The following VPS13C variants were observed in gnomAD, a reference collection of about 807,000 sequenced individuals.
VPS13C encodes the protein vacuolar protein sorting 13 homolog C, also known as intermembrane lipid transfer protein VPS13C.
In VPS13C, 358 loss-of-function variants were observed where a neutral mutation model predicts 456.8. That is an observed-to-expected ratio of 0.78 (90% CI 0.72 to 0.86). The LOEUF is 0.86. VPS13C is among the 40% of genes least tolerant of loss of function. VPS13C has a pLI of 0.00. For synonymous variants in VPS13C, 1,578 were observed against 1,486.7 expected, an observed-to-expected ratio of 1.06 and a Z score of -1.41; for missense variants, 4,818 against 4,385.4, an observed-to-expected ratio of 1.10 and a Z score of -2.79.
rs745407315 is a variant in VPS13C at position 61,959,592 on chromosome 15, T to C, written c.3912A>G (p.Thr1304=). The change falls in exon 36 of 85, where the codon ACA becomes ACG. Residue 1304 remains threonine (T), a synonymous_variant. Transcript: ENST00000644861. ...VQLTKLTLYR[T]VIQPGIYHPD... is the part of the protein sequence containing the mutation. ...GATGGTAGATGCCTGGCTGGATCAC[T>C]GTCCTACGAAAAACAGAAATGTTAC... 9 of 1,609,510 alleles carry C rather than the reference T, an allele frequency of 5.6e-6. No homozygotes were observed. The African/African-American group carries it at 9.4e-5, about 17-fold the overall frequency.
intron 15 of VPS13C, among the ~76,000 whole-genome samples, chr15:62,006,652 T>G (rs552620483): frequency 5.9e-5 from 9 of 152,234 alleles, no homozygotes; most frequent in Non-Finnish European, 1.3e-4. Context: ...ATGGTATTTC[T>G]AGTTCTGGAT....
intron 55 of VPS13C, among the ~76,000 whole-genome samples, chr15:61,921,346 ACT>A (rs1384007901): frequency 6.6e-6 from 1 of 152,042 alleles, no homozygotes; most frequent in Non-Finnish European, 1.5e-5. Flanking sequence ...ACAATATATG[ACT>A]CAAGTTCCTT....
chr15:62,016,638 A>G (rs111246332), intron 9 of VPS13C, among the ~76,000 whole-genome samples: 1 of 151,946 alleles, frequency 6.6e-6, no homozygotes, highest in Non-Finnish European at 1.5e-5. Context: ...TCCATGGTGT[A>G]TATGTGCCAC....
At position 62,000,371 on chromosome 15, in the gene VPS13C, A is replaced by T. The variant is rs545131502; in HGVS notation, c.1353+193T>A. 4.9e-4 allele frequency among the ~76,000 whole-genome samples: 75 copies of T among 152,280 alleles called. No homozygotes were observed. In the South Asian group the frequency reaches 0.01, roughly 21 times the overall value. The stretch of plus-strand genomic sequence containing the variant: ...CAGAGCAAGACTCCATCTCAAAAAA[A>T]AATAATAATAAAAATAAGGTTTTTT... On this transcript the variant is annotated intron_variant, in intron 16 of 84. Transcript: ENST00000644861.
At chr15:61,856,755 A>ATAAGAAAC (rs1165883717) in intron 82 of VPS13C, 2 of 199,390 alleles carry the variant, frequency 1.0e-5, no homozygotes, top group Non-Finnish European at 1.9e-5. Context: ...TTTGGAACAC[A>ATAAGAAAC]TAAGAAACAG....
intron 60 of VPS13C, among the ~76,000 whole-genome samples, chr15:61,916,778 A>G (rs1318342731): frequency 6.6e-6 from 1 of 152,150 alleles, no homozygotes; most frequent in Non-Finnish European, 1.5e-5. Flanking sequence ...TAAGACAGAC[A>G]GTAATTATTT....
chr15:61,880,534 T>A (rs1039285629), intron 73 of VPS13C, 75 bp downstream of exon 73: 1 of 939,798 alleles, frequency 1.1e-6, no homozygotes, highest in African/African-American at 1.7e-5. Context: ...AATTAAAACC[T>A]ACCTTGGTCC....
At chr15:62,052,672 CA>C (rs35444089) in intron 1 of VPS13C, among the ~76,000 whole-genome samples, 25,533 of 70,564 alleles carry the variant, frequency 0.36, 1,603 homozygotes, top group Non-Finnish European at 0.39. Flanking sequence ...GACTCCGTCT[CA>C]AAAAAAAAAA....
intron 41 of VPS13C, 50 bp downstream of exon 41, chr15:61,950,308 T>G (rs1171463324): frequency 3.0e-6 from 4 of 1,352,224 alleles, no homozygotes; most frequent in Non-Finnish European, 4.2e-6. Context: ...GCTATGAAGC[T>G]AGATATAATC....
At chr15:61,984,098 G>A (rs375311700) in intron 19 of VPS13C, 86 bp from the exon 20 acceptor site, 60 of 1,290,650 alleles carry the variant, frequency 4.6e-5, no homozygotes, top group South Asian at 2.1e-4. Context: ...TTTTAAAAAC[G>A]TCTTTGAGAA....
chr15:61,865,771 T>A (rs866720495), intron 81 of VPS13C: 23 of 665,062 alleles, frequency 3.5e-5, no homozygotes, highest in Non-Finnish European at 4.2e-5. Flanking sequence ...TGTACGTGTG[T>A]ATATATGTAT....
At chr15:62,005,740 G>A (rs994254658) in intron 15 of VPS13C, among the ~76,000 whole-genome samples, 1 of 150,594 alleles carries the variant, frequency 6.6e-6, no homozygotes, top group African/African-American at 2.4e-5. Context: ...TTTCGCTCTT[G>A]TTGCCAGGCT....
At chr15:61,955,803 AT>A in intron 37 of VPS13C, among the ~76,000 whole-genome samples, 1 of 152,326 alleles carries the variant, frequency 6.6e-6, no homozygotes, top group East Asian at 1.9e-4. Flanking sequence ...CAGAATATCT[AT>A]TGAAAAGTCA....
intron 6 of VPS13C, among the ~76,000 whole-genome samples, chr15:62,026,064 G>A (rs1183315138): frequency 6.7e-6 from 1 of 148,408 alleles, no homozygotes; most frequent in Non-Finnish European, 1.5e-5. Flanking sequence ...CCTTCAACCT[G>A]TTGAGATATG....
chr15:61,882,978 T>G (rs1895984157), intron 68 of VPS13C, among the ~76,000 whole-genome samples: 1 of 152,046 alleles, frequency 6.6e-6, no homozygotes, highest in Non-Finnish European at 1.5e-5. Flanking sequence ...AAAAACATGC[T>G]TTATGTAAAA....
chr15:61,884,533 T>C (rs1176705072), intron 67 of VPS13C, among the ~76,000 whole-genome samples: 5 of 152,088 alleles, frequency 3.3e-5, no homozygotes, highest in Admixed American at 2.6e-4. Flanking sequence ...TATTAAATAG[T>C]AAATATTTTA....
At chr15:61,869,463 C>T (rs968234959) in intron 80 of VPS13C, 37 bp downstream of exon 80, 19 of 1,603,400 alleles carry the variant, frequency 1.2e-5, no homozygotes, top group African/African-American at 1.3e-5. Context: ...AATTAGCACA[C>T]AGACACATAC....
Position 62,033,556 on chromosome 15 carries a change from G to C in VPS13C, c.284-14C>G, listed in dbSNP as rs369910807. 6.2e-5 allele frequency: 93 copies of C among 1,507,508 alleles called. No individual in the cohort carries two copies. Among genetic ancestry groups the C allele is most frequent in the Non-Finnish European group, 8.0e-5 (89 of 1,108,402 alleles). The allele number at this position is 1,507,508 out of a possible 1,614,324, so 93.4% of individuals were successfully genotyped here. A position where few individuals can be genotyped will look rare whatever the true frequency, so the allele number is the denominator to read the frequency against. On this transcript the variant is annotated splice_polypyrimidine_tract_variant and intron_variant, in intron 4 of 84. Transcript: ENST00000644861. The stretch of plus-strand genomic sequence containing the variant: ...CATACTTAATACCTAAAAATATACA[G>C]TCAATTCACACAAAAATAAATGGAA...
At chr15:61,974,840 T>C (rs1462812649) in intron 24 of VPS13C, among the ~76,000 whole-genome samples, 2 of 152,148 alleles carry the variant, frequency 1.3e-5, no homozygotes, top group South Asian at 4.1e-4. Flanking sequence ...CATTTATATT[T>C]GTTTATGTCT....
Sources: gnomAD v4.1 joint callset for allele counts (sites outside exome capture counted in the v4.1 genomes callset) on GRCh38, gnomAD v4.1.1 for gene constraint, MANE v1.5 for transcripts, NCBI Gene and HGNC (gene_info 2026-07-23, HGNC 2026-07-21) for gene names.